Variants in PLD1 observed in about 807,000 individuals in gnomAD.
The protein encoded by PLD1 is choline phosphatase 1.
Under a neutral mutation model 137.1 loss-of-function variants are expected in PLD1, and 112 were observed. The observed-to-expected ratio is 0.82, with a 90% CI of 0.70 to 0.96. The LOEUF (loss-of-function observed/expected upper bound fraction) is 0.96. Ranked by LOEUF, PLD1 falls within the 40% of genes least tolerant of loss-of-function variation. The pLI is 0.00. For synonymous variants in PLD1, 431 were observed against 454.7 expected (o/e 0.95, Z 0.66); for missense variants, 1,321 against 1,342.0 (o/e 0.98, Z 0.24).
chr3:171,685,993 C>T (rs1305457076), intron 16 of PLD1, among the ~76,000 whole-genome samples: 2 of 152,030 alleles, frequency 1.3e-5, no homozygotes, highest in African/African-American at 2.4e-5. Context: ...GTCATGCACG[C>T]CTATAATCCC....
intron 1 of PLD1, among the ~76,000 whole-genome samples, chr3:171,796,941 C>T (rs560290605): frequency 3.0e-4 from 46 of 152,316 alleles, no homozygotes; most frequent in African/African-American, 1.1e-3. Context: ...CACCATCCGT[C>T]GCAATGCCAG....
intron 1 of PLD1, among the ~76,000 whole-genome samples, chr3:171,739,264 A>G (rs908476772): frequency 1.8e-4 from 28 of 152,182 alleles, no homozygotes; most frequent in African/African-American, 5.8e-4. Context: ...AAATGCTAAG[A>G]AAGTCTCAGG....
intron 8 of PLD1, among the ~76,000 whole-genome samples, chr3:171,719,561 C>T (rs943020964): frequency 1.3e-5 from 2 of 152,208 alleles, no homozygotes; most frequent in Non-Finnish European, 2.9e-5. Flanking sequence ...ATTGGCACAG[C>T]TCATAGTTCA....
At chr3:171,638,638 A>T (rs778661692) in intron 23 of PLD1, among the ~76,000 whole-genome samples, 2 of 152,216 alleles carry the variant, frequency 1.3e-5, no homozygotes, top group Non-Finnish European at 2.9e-5. Context: ...TTGCTAAATT[A>T]ATCTCTTTAC....
chr3:171,808,981 C>A (rs957480273), intron 1 of PLD1, among the ~76,000 whole-genome samples: 1 of 151,934 alleles, frequency 6.6e-6, no homozygotes, highest in Admixed American at 6.6e-5. Context: ...TGTGCCACCA[C>A]GCCTGGCTAA....
chr3:171,765,651 G>T (rs1199126161), intron 1 of PLD1, among the ~76,000 whole-genome samples: 4 of 152,168 alleles, frequency 2.6e-5, no homozygotes, highest in Admixed American at 1.3e-4. Context: ...CAATCATTTT[G>T]GGCTTCAGTG....
chr3:171,645,006 C>T lies in PLD1; in HGVS notation c.2447G>A (p.Arg816Gln), dbSNP rs775829767. 16 of 1,612,436 alleles carry T rather than the reference C, an allele frequency of 9.9e-6. No individual in the cohort carries two copies. The Middle Eastern group carries it at 8.2e-4, about 83-fold the overall frequency. The part of the protein sequence containing the change: ...LKAHRENQKY[R>Q]VYVVIPLLPG... ...CAGAAGTGGTATCACGACATATACC[C>T]GGTATTTCTGGTTTTCCCTGCAAAG... Residue 816 changes from arginine (R) to glutamine (Q), a missense_variant, in exon 22 of 27, where the codon CGG becomes CAG. By Grantham distance (43) the Arg-to-Gln change is conservative (BLOSUM62 1). Coordinates refer to ENST00000351298, the MANE Select transcript of PLD1 (RefSeq NM_002662.5).
At chr3:171,692,574 G>T in intron 12 of PLD1, 132 bp from the exon 13 acceptor site, 1 of 585,230 alleles carries the variant, frequency 1.7e-6, no homozygotes, top group South Asian at 2.1e-5. Context: ...AGCCTGGAGT[G>T]CAGTGGCGCA....
At position 171,676,800 on chromosome 3, in the gene PLD1, G is replaced by A. The variant is rs1713410677; in HGVS notation, c.2030C>T (p.Pro677Leu). ...GACTGCAGAGGCAATGTCATGCCAG[G>A]GCATCCGGGGCGTGGAGTACCTGTC... ...FIDRYSTPRM[P>L]WHDIASAVHG... Residue 677 changes from proline to leucine, a missense_variant, in exon 18 of 27, where the codon CCC becomes CTC. By Grantham distance (98) the Pro-to-Leu change is moderately conservative (BLOSUM62 -3). Coordinates refer to ENST00000351298, the MANE Select transcript of PLD1 (RefSeq NM_002662.5). 6.2e-6 allele frequency: 10 copies of A among 1,614,138 alleles called. No homozygotes were observed. In the East Asian group the frequency reaches 2.2e-4, roughly 36 times the overall value.
At chr3:171,694,663 T>C (rs754050) in intron 12 of PLD1, among the ~76,000 whole-genome samples, 2,891 of 152,220 alleles carry the variant, frequency 0.019, 90 homozygotes, top group African/African-American at 0.062. Flanking sequence ...TCATGACCCA[T>C]TTATTTTAAG....
At chr3:171,625,137 G>A (rs541751423) in intron 23 of PLD1, among the ~76,000 whole-genome samples, 1 of 152,210 alleles carries the variant, frequency 6.6e-6, no homozygotes, top group Non-Finnish European at 1.5e-5. Flanking sequence ...GGAAAATCGG[G>A]TCACTCCCAC....
intron 15 of PLD1, 122 bp from the exon 16 acceptor site, chr3:171,686,920 A>T: frequency 1.9e-6 from 1 of 537,108 alleles, no homozygotes. Flanking sequence ...GATTCTGTGC[A>T]ACAGAAAATT....
At chr3:171,614,760 C>G (rs1478330559) in intron 24 of PLD1, among the ~76,000 whole-genome samples, 1 of 152,344 alleles carries the variant, frequency 6.6e-6, no homozygotes, top group Admixed American at 6.5e-5. Context: ...CTGGATTGAA[C>G]TGACATCACT....
rs1172455523 is a variant in PLD1, at chr3:171,713,748, A to G, written c.911+145T>C. Reference sequence around the variant, plus strand: ...TCTTTAAAATATATACAAGGAAAAAAGTGGTTTCATTACTATTGATTGAGG... The same window carrying G: ...TCTTTAAAATATATACAAGGAAAAAGGTGGTTTCATTACTATTGATTGAGG... On this transcript the variant is annotated intron_variant, in intron 9 of 26. Transcript: ENST00000351298. The G allele has an allele frequency of 9.2e-6, 6 of 652,686 alleles. No homozygotes were observed. The East Asian group carries it at 1.4e-4, about 15-fold the overall frequency. The allele number at this position is 652,686 out of a possible 1,614,324, so 40.4% of individuals were successfully genotyped here.
chr3:171,734,759 G>A (rs1193107533), intron 5 of PLD1, 106 bp downstream of exon 5: 1 of 664,796 alleles, frequency 1.5e-6, no homozygotes, highest in Admixed American at 2.4e-5. Context: ...ATCAATGAGT[G>A]GATGAGAGGA....
chr3:171,613,404 C>T (rs1732840883), intron 24 of PLD1, among the ~76,000 whole-genome samples: 1 of 152,052 alleles, frequency 6.6e-6, no homozygotes, highest in Admixed American at 6.6e-5. Context: ...GGCATGCCTA[C>T]CAGTTCAGTA....
intron 10 of PLD1, 86 bp downstream of exon 10, chr3:171,709,474 T>C: frequency 8.6e-7 from 1 of 1,160,910 alleles, no homozygotes; most frequent in East Asian, 2.3e-5. Flanking sequence ...TTTCACAGTT[T>C]TGAAAACTGA....
chr3:171,753,373 A>T (rs1302469167), intron 1 of PLD1, among the ~76,000 whole-genome samples: 1 of 152,236 alleles, frequency 6.6e-6, no homozygotes, highest in Non-Finnish European at 1.5e-5. Flanking sequence ...AACTTTGACG[A>T]ACTGGAAAGA....
chr3:171,603,969 A>T (rs1019140541), intron 26 of PLD1, among the ~76,000 whole-genome samples: 1 of 152,186 alleles, frequency 6.6e-6, no homozygotes, highest in Non-Finnish European at 1.5e-5. Flanking sequence ...CTGCATTTGT[A>T]AAATTACATT....
Sources: allele counts gnomAD v4.1 joint callset (sites outside exome capture counted in the v4.1 genomes callset), GRCh38; gene constraint gnomAD v4.1.1; transcripts MANE v1.5; gene names NCBI Gene and HGNC (gene_info 2026-07-23, HGNC 2026-07-21).